The following FABP7 variants were observed in gnomAD, a reference collection of about 807,000 sequenced individuals.
FABP7 encodes fatty acid binding protein 7.
Under a neutral mutation model 14.2 loss-of-function variants are expected in FABP7, and 13 were observed. The ratio of observed to expected loss-of-function variants is 0.91; its 90% CI spans 0.59 to 1.45. FABP7 has a LOEUF of 1.45. FABP7 is among the 40% of genes most tolerant of loss of function. FABP7 has a pLI of 0.00. For synonymous variants in FABP7, 49 were observed against 51.4 expected, an observed-to-expected ratio of 0.95 and a Z score of 0.20; for missense variants, 149 against 157.6, an observed-to-expected ratio of 0.95 and a Z score of 0.29.
At chr6:122,767,566 G>A in the FABP7 span, among the ~76,000 whole-genome samples, 1 of 151,968 alleles carries the variant, frequency 6.6e-6, no homozygotes, top group Non-Finnish European at 1.5e-5. Context: ...TACTTCTTAT[G>A]ATATACAAAA....
At chr6:122,771,843 C>G in the FABP7 span, among the ~76,000 whole-genome samples, 1 of 152,112 alleles carries the variant, frequency 6.6e-6, no homozygotes, top group African/African-American at 2.4e-5. Flanking sequence ...AGTCTAAATT[C>G]TTATTTTTTG....
Position 122,780,272 on chromosome 6 carries a change from G to A in FABP7, c.74-19G>A. 1 of 1,613,794 alleles carries A rather than the reference G, an allele frequency of 6.2e-7. No homozygotes were observed. Among genetic ancestry groups the A allele is most frequent in the Non-Finnish European group, 8.5e-7 (1 of 1,179,858 alleles). On this transcript the variant is annotated intron_variant, in intron 1 of 3. Transcript: ENST00000368444. ...TTTGGAAGTCGCTGCAGACTGTACT[G>A]TTCCCTTTGCTATTTTAGGCGTGGG...
chr6:122,768,292 C>A, the FABP7 span, among the ~76,000 whole-genome samples: 4 of 152,096 alleles, frequency 2.6e-5, no homozygotes, highest in African/African-American at 4.8e-5. Context: ...TTTGGCATAA[C>A]CTTCTAAAAC....
At chr6:122,777,360 C>T (rs1037369680), upstream of FABP7, among the ~76,000 whole-genome samples, 4 of 152,080 alleles carry the variant, frequency 2.6e-5, no homozygotes, top group Non-Finnish European at 4.4e-5. Context: ...AGCACCCCCA[C>T]ATACTGAGCA....
the FABP7 span, among the ~76,000 whole-genome samples, chr6:122,774,697 G>A: frequency 6.6e-6 from 1 of 151,026 alleles, no homozygotes; most frequent in Non-Finnish European, 1.5e-5. Flanking sequence ...CATCCACACT[G>A]CAAAGGAAGA....
the FABP7 span, among the ~76,000 whole-genome samples, chr6:122,763,705 A>C: frequency 6.6e-6 from 1 of 152,208 alleles, no homozygotes; most frequent in African/African-American, 2.4e-5. Flanking sequence ...AAAAAATCAA[A>C]CAACCCCATC....
chr6:122,756,105 G>A, the FABP7 span, among the ~76,000 whole-genome samples: 2 of 152,146 alleles, frequency 1.3e-5, no homozygotes, highest in African/African-American at 4.8e-5. Flanking sequence ...CAACGGGAGA[G>A]AGCAGATGAT....
the FABP7 span, among the ~76,000 whole-genome samples, chr6:122,754,024 A>T: frequency 6.6e-6 from 1 of 152,154 alleles, no homozygotes; most frequent in Non-Finnish European, 1.5e-5. Context: ...TTACTTAGGC[A>T]TGGAAAGTTA....
chr6:122,760,559 T>C, the FABP7 span, among the ~76,000 whole-genome samples: 1 of 151,912 alleles, frequency 6.6e-6, no homozygotes, highest in African/African-American at 2.4e-5. Flanking sequence ...CTTCTGTTCC[T>C]GCCTTCTTTT....
At chr6:122,782,538 C>G (rs1401932817) in intron 3 of FABP7, 1 of 984,324 alleles carries the variant, frequency 1.0e-6, no homozygotes, top group Non-Finnish European at 1.2e-6. Context: ...GTATCACAAA[C>G]TAGGAGAAAT....
At chr6:122,781,519 A>T (rs1780784165) in intron 3 of FABP7, 4 of 1,332,256 alleles carry the variant, frequency 3.0e-6, no homozygotes, top group Non-Finnish European at 3.8e-6. Context: ...TCTCAAATAA[A>T]ATTTAATATA....
chr6:122,753,792 C>CCA, the FABP7 span, among the ~76,000 whole-genome samples: 13 of 95,758 alleles, frequency 1.4e-4, no homozygotes, highest in African/African-American at 5.2e-4. Context: ...CCGCCCCCCC[C>CCA]CCGCCCACAG....
chr6:122,750,245 T>C, the FABP7 span, among the ~76,000 whole-genome samples: 2 of 152,172 alleles, frequency 1.3e-5, no homozygotes. Context: ...TAATTTGCTT[T>C]TTTGATGAAA....
At chr6:122,777,451 G>T (rs554160871), upstream of FABP7, among the ~76,000 whole-genome samples, 4 of 152,058 alleles carry the variant, frequency 2.6e-5, no homozygotes, top group African/African-American at 9.7e-5. Context: ...AAGGGAAGTC[G>T]GACATACTTC....
chr6:122,770,778 T>A, the FABP7 span, among the ~76,000 whole-genome samples: 1 of 152,162 alleles, frequency 6.6e-6, no homozygotes, highest in African/African-American at 2.4e-5. Context: ...GATCTCTGTC[T>A]TTACTTTATT....
chr6:122,753,460 AT>A, the FABP7 span, among the ~76,000 whole-genome samples: 1 of 152,080 alleles, frequency 6.6e-6, no homozygotes, highest in East Asian at 1.9e-4. Flanking sequence ...CTAGAACCGT[AT>A]TGACCTTGGA....
chr6:122,755,182 T>C, the FABP7 span, among the ~76,000 whole-genome samples: 1 of 152,144 alleles, frequency 6.6e-6, no homozygotes, highest in African/African-American at 2.4e-5. Context: ...CTTCCTTGCA[T>C]ATATCATAAA....
At chr6:122,760,682 A>G in the FABP7 span, among the ~76,000 whole-genome samples, 2 of 152,120 alleles carry the variant, frequency 1.3e-5, no homozygotes, top group Non-Finnish European at 2.9e-5. Context: ...AGTGATTTAC[A>G]TTGTAAAACT....
chr6:122,754,979 A>C, the FABP7 span, among the ~76,000 whole-genome samples: 1 of 147,676 alleles, frequency 6.8e-6, no homozygotes. Context: ...TAACTGTACC[A>C]CTCCCAGATT....
Sources: allele counts gnomAD v4.1 joint callset (sites outside exome capture counted in the v4.1 genomes callset), GRCh38; gene constraint gnomAD v4.1.1; transcripts MANE v1.5; gene names NCBI Gene and HGNC (gene_info 2026-07-23, HGNC 2026-07-21).